Variants in GULP1 observed in about 807,000 individuals in gnomAD.
GULP1 encodes the protein GULP PTB domain containing engulfment adaptor 1, also known as PTB domain-containing engulfment adapter protein 1.
In GULP1, 19 loss-of-function variants were observed where a neutral mutation model predicts 40.9. That is an observed-to-expected ratio of 0.46 (90% CI 0.32 to 0.68). GULP1 has a LOEUF of 0.68. Ranked by LOEUF, GULP1 falls within the 30% of genes least tolerant of loss-of-function variation. GULP1 has a pLI of 0.03. For missense variants in GULP1, 312 were observed against 362.2 expected (o/e 0.86, Z 1.12); for synonymous variants, 119 against 117.6 (o/e 1.01, Z -0.08).
chr2:188,538,694 A>AGTGTGTGTGTGAGTGT lies in GULP1; in HGVS notation c.262-2476_262-2475insAGTGTGTGTGTGTGTG, dbSNP rs1553592803. Among the ~76,000 whole-genome samples, 967 of 144,776 alleles carry AGTGTGTGTGTGAGTGT rather than the reference A, an allele frequency of 6.7e-3. 11 individuals are homozygous for AGTGTGTGTGTGAGTGT. The highest frequency in any genetic ancestry group is 0.024 in the African/African-American group (942 of 39,934). The allele number at this position is 144,776 out of a possible 152,430, so 95.0% of individuals were successfully genotyped here. ...GTATGTGTGTGTGAGTGTGTGTGTG[A>AGTGTGTGTGTGAGTGT]GTGTGTGTGTGTGTGTGTGTGTGTG... On this transcript the variant is annotated intron_variant, in intron 6 of 11. Coordinates refer to ENST00000409830, the MANE Select transcript of GULP1 (RefSeq NM_016315.4).
intron 7 of GULP1, among the ~76,000 whole-genome samples, chr2:188,563,607 A>G (rs1434187751): frequency 6.6e-6 from 1 of 151,344 alleles, no homozygotes; most frequent in African/African-American, 2.4e-5. Flanking sequence ...TGGCCCACAT[A>G]TTTGGAATTA....
chr2:188,543,011 A>G (rs1690937832), intron 7 of GULP1, among the ~76,000 whole-genome samples: 1 of 152,104 alleles, frequency 6.6e-6, no homozygotes, highest in Non-Finnish European at 1.5e-5. Flanking sequence ...TTTGTTTTAT[A>G]TTCTTTGATC....
intron 1 of GULP1, among the ~76,000 whole-genome samples, chr2:188,360,990 T>C (rs949469133): frequency 3.9e-5 from 6 of 152,192 alleles, no homozygotes; most frequent in African/African-American, 9.6e-5. Context: ...ACTTAATTAT[T>C]TTCCCCAATA....
At chr2:188,488,164 T>A (rs1337887871) in intron 4 of GULP1, among the ~76,000 whole-genome samples, 1 of 151,980 alleles carries the variant, frequency 6.6e-6, no homozygotes, top group Non-Finnish European at 1.5e-5. Context: ...GTATCTGACA[T>A]GCTCAGATGC....
At chr2:188,503,724 C>T (rs2063651810) in intron 4 of GULP1, among the ~76,000 whole-genome samples, 1 of 151,866 alleles carries the variant, frequency 6.6e-6, no homozygotes, top group South Asian at 2.1e-4. Flanking sequence ...CATAACTAGA[C>T]ATGGACATGA....
chr2:188,419,455 A>G (rs1407001247), intron 2 of GULP1, among the ~76,000 whole-genome samples: 1 of 151,794 alleles, frequency 6.6e-6, no homozygotes, highest in Non-Finnish European at 1.5e-5. Context: ...TGGATTAGTG[A>G]TGCTGAGAAC....
intron 2 of GULP1, among the ~76,000 whole-genome samples, chr2:188,456,536 G>GA (rs1159755045): frequency 6.6e-6 from 1 of 152,200 alleles, no homozygotes; most frequent in Non-Finnish European, 1.5e-5. Context: ...TCAAGTTTGG[G>GA]AATCTCTGCC....
chr2:188,428,347 T>C (rs2056464508), intron 2 of GULP1, among the ~76,000 whole-genome samples: 1 of 152,166 alleles, frequency 6.6e-6, no homozygotes, highest in Non-Finnish European at 1.5e-5. Flanking sequence ...GATTGCATTT[T>C]GCAATGTGAG....
chr2:188,375,028 C>G (rs1023789024), intron 1 of GULP1, among the ~76,000 whole-genome samples: 21 of 152,108 alleles, frequency 1.4e-4, no homozygotes, highest in African/African-American at 5.1e-4. Flanking sequence ...TGAAGAAGGG[C>G]CTTCAGGCAT....
intron 1 of GULP1, among the ~76,000 whole-genome samples, chr2:188,371,706 A>T (rs1391690738): frequency 6.6e-6 from 1 of 152,178 alleles, no homozygotes; most frequent in African/African-American, 2.4e-5. Flanking sequence ...TTAAGCAAGC[A>T]TTTAATAGGC....
intron 2 of GULP1, among the ~76,000 whole-genome samples, chr2:188,424,356 A>C (rs2152784225): frequency 6.6e-6 from 1 of 152,060 alleles, no homozygotes; most frequent in South Asian, 2.1e-4. Context: ...AAAAGTACAC[A>C]GAGTAGTGTA....
chr2:188,454,563 G>A (rs1178670310), intron 2 of GULP1, among the ~76,000 whole-genome samples: 1 of 152,220 alleles, frequency 6.6e-6, no homozygotes, highest in African/African-American at 2.4e-5. Context: ...GGTTTCACCA[G>A]GGAACCACCT....
intron 7 of GULP1, chr2:188,541,541 C>A (rs1690490472): frequency 1.7e-6 from 1 of 591,264 alleles, no homozygotes; most frequent in East Asian, 2.8e-5. Flanking sequence ...CATAAACTTA[C>A]ATGTAAATTT....
At chr2:188,437,147 A>G (rs2057482995) in intron 2 of GULP1, among the ~76,000 whole-genome samples, 1 of 152,138 alleles carries the variant, frequency 6.6e-6, no homozygotes, top group Non-Finnish European at 1.5e-5. Flanking sequence ...TAGGATGAAT[A>G]TCTTGCAGAA....
intron 4 of GULP1, among the ~76,000 whole-genome samples, chr2:188,490,849 G>C (rs1316518994): frequency 1.3e-5 from 2 of 151,916 alleles, no homozygotes; most frequent in African/African-American, 4.8e-5. Flanking sequence ...TGTCACCCAG[G>C]CTGAAATGCA....
At chr2:188,504,621 T>C (rs1326201665) in intron 4 of GULP1, among the ~76,000 whole-genome samples, 1 of 151,892 alleles carries the variant, frequency 6.6e-6, no homozygotes, top group Non-Finnish European at 1.5e-5. Context: ...GTGAAACTGT[T>C]TTTCATATTC....
chr2:188,323,494 C>A (rs1021054802), intron 1 of GULP1, among the ~76,000 whole-genome samples: 2 of 151,882 alleles, frequency 1.3e-5, no homozygotes, highest in Admixed American at 1.3e-4. Context: ...TCATGAAGGA[C>A]TGTTATTTTA....
intron 1 of GULP1, among the ~76,000 whole-genome samples, chr2:188,306,397 AT>A (rs2037098515): frequency 6.6e-6 from 1 of 152,148 alleles, no homozygotes; most frequent in East Asian, 1.9e-4. Flanking sequence ...TAATTTCATC[AT>A]TTTGTCTTTC....
At chr2:188,493,733 A>G (rs765539408) in intron 4 of GULP1, among the ~76,000 whole-genome samples, 4 of 152,082 alleles carry the variant, frequency 2.6e-5, no homozygotes, top group Non-Finnish European at 5.9e-5. Flanking sequence ...CACTAACTCA[A>G]TCTGGCTTCA....
Sources: allele counts gnomAD v4.1 joint callset (sites outside exome capture counted in the v4.1 genomes callset), GRCh38; gene constraint gnomAD v4.1.1; transcripts MANE v1.5; gene names NCBI Gene and HGNC (gene_info 2026-07-23, HGNC 2026-07-21).